SLC25A21: variants seen among roughly 807,000 people sequenced by gnomAD.
SLC25A21 encodes the protein solute carrier family 25 member 21, also known as mitochondrial 2-oxodicarboxylate carrier.
In SLC25A21, 47 loss-of-function variants were observed where a neutral mutation model predicts 43.8. The observed-to-expected ratio is 1.07, with a 90% CI of 0.85 to 1.37. The LOEUF is 1.37. Ranked by LOEUF, SLC25A21 falls within the 40% of genes most tolerant of loss-of-function variation. SLC25A21 has a pLI of 0.00. For synonymous variants in SLC25A21, 131 were observed against 121.3 expected, an observed-to-expected ratio of 1.08 and a Z score of -0.52; for missense variants, 352 against 350.2, an observed-to-expected ratio of 1.00 and a Z score of -0.04.
intron 1 of SLC25A21, among the ~76,000 whole-genome samples, chr14:36,973,019 ATTTATTTTATTTTATTTTAT>A (rs36001814): frequency 3.9e-5 from 5 of 128,988 alleles, no homozygotes; most frequent in East Asian, 5.4e-4. Context: ...TTATTTATTT[ATTTATTTTATTTTATTTTAT>A]TTTATTTTAT....
intron 3 of SLC25A21, among the ~76,000 whole-genome samples, chr14:36,807,384 C>G (rs142201758): frequency 6.6e-6 from 1 of 152,120 alleles, no homozygotes; most frequent in Non-Finnish European, 1.5e-5. Context: ...AAAGCAGCAG[C>G]AACTACTGGG....
intron 3 of SLC25A21, among the ~76,000 whole-genome samples, chr14:36,762,470 C>G (rs146109737): frequency 6.6e-6 from 1 of 152,028 alleles, no homozygotes; most frequent in Non-Finnish European, 1.5e-5. Context: ...GAGATCTGCC[C>G]GAAGTCACAC....
intron 1 of SLC25A21, among the ~76,000 whole-genome samples, chr14:37,135,909 C>T (rs1963472474): frequency 6.6e-6 from 1 of 152,132 alleles, no homozygotes; most frequent in Non-Finnish European, 1.5e-5. Flanking sequence ...GTACTTTGCA[C>T]ATAGTAAGTG....
intron 1 of SLC25A21, among the ~76,000 whole-genome samples, chr14:37,012,496 C>T (rs938631890): frequency 6.6e-6 from 1 of 152,048 alleles, no homozygotes; most frequent in Admixed American, 6.6e-5. Flanking sequence ...AATAGTATAA[C>T]CTGTAAATGC....
chr14:36,898,925 A>G (rs1166316656), intron 1 of SLC25A21, among the ~76,000 whole-genome samples: 1 of 152,222 alleles, frequency 6.6e-6, no homozygotes, highest in Non-Finnish European at 1.5e-5. Flanking sequence ...AAGAGAGTGG[A>G]TGTAAAGTGT....
At chr14:36,864,577 T>C (rs1890159131) in intron 2 of SLC25A21, among the ~76,000 whole-genome samples, 1 of 152,202 alleles carries the variant, frequency 6.6e-6, no homozygotes, top group Admixed American at 6.5e-5. Context: ...CCTATTATGG[T>C]CATGCACCTT....
chr14:37,008,758 G>A (rs550864493), intron 1 of SLC25A21, among the ~76,000 whole-genome samples: 2 of 150,682 alleles, frequency 1.3e-5, no homozygotes, highest in Non-Finnish European at 3.0e-5. Context: ...CTTTTTAATA[G>A]ATTTTTTTTC....
intron 1 of SLC25A21, among the ~76,000 whole-genome samples, chr14:37,019,295 A>C (rs1441013471): frequency 6.6e-6 from 1 of 151,770 alleles, no homozygotes; most frequent in African/African-American, 2.4e-5. Flanking sequence ...TCTCTGCTTG[A>C]AATACTTTGC....
At chr14:37,057,318 T>C (rs1337813349) in intron 1 of SLC25A21, among the ~76,000 whole-genome samples, 1 of 152,244 alleles carries the variant, frequency 6.6e-6, no homozygotes, top group Non-Finnish European at 1.5e-5. Flanking sequence ...AGGTGGGTCC[T>C]GAGTGCCTTG....
intron 1 of SLC25A21, among the ~76,000 whole-genome samples, chr14:37,171,431 C>CTATAA (rs10665173): frequency 1 from 151,770 of 152,166 alleles, 75,690 homozygotes; most frequent in Middle Eastern, 1. Flanking sequence ...ATTAGAGTTA[C>CTATAA]TATAATTTAT....
intron 1 of SLC25A21, among the ~76,000 whole-genome samples, chr14:36,916,476 T>C (rs1162998597): frequency 2.6e-5 from 4 of 152,186 alleles, no homozygotes; most frequent in Non-Finnish European, 5.9e-5. Context: ...TCCAACATAG[T>C]TTTGACTGAG....
intron 2 of SLC25A21, among the ~76,000 whole-genome samples, chr14:36,825,756 A>C (rs956189140): frequency 1.3e-5 from 2 of 152,240 alleles, no homozygotes; most frequent in African/African-American, 2.4e-5. Context: ...TTCCTAAAAT[A>C]CTAAAAATTA....
intron 3 of SLC25A21, among the ~76,000 whole-genome samples, chr14:36,754,392 T>C (rs1406499494): frequency 2.6e-5 from 4 of 152,070 alleles, no homozygotes; most frequent in African/African-American, 4.8e-5. Context: ...TAAGGCTATA[T>C]ATGATAGAAA....
intron 2 of SLC25A21, among the ~76,000 whole-genome samples, chr14:36,864,817 A>T (rs1391763075): frequency 6.6e-6 from 1 of 152,202 alleles, no homozygotes; most frequent in Non-Finnish European, 1.5e-5. Flanking sequence ...CCATGGTGAG[A>T]AATCAGGCAT....
intron 1 of SLC25A21, among the ~76,000 whole-genome samples, chr14:36,945,372 C>CA (rs1270758039): frequency 6.6e-6 from 1 of 152,134 alleles, no homozygotes; most frequent in Non-Finnish European, 1.5e-5. Flanking sequence ...GCATATACCC[C>CA]AAAGAACTGA....
intron 1 of SLC25A21, among the ~76,000 whole-genome samples, chr14:36,992,176 C>A (rs965446998): frequency 1.3e-5 from 2 of 152,116 alleles, no homozygotes; most frequent in African/African-American, 2.4e-5. Flanking sequence ...TGGGTGGACC[C>A]GTGCACCCTC....
chr14:36,977,264 T>C (rs1348597424), intron 1 of SLC25A21, among the ~76,000 whole-genome samples: 2 of 152,196 alleles, frequency 1.3e-5, no homozygotes, highest in African/African-American at 4.8e-5. Flanking sequence ...TGGCTCCTTT[T>C]TCTATGAACA....
At position 37,057,673 on chromosome 14, in the gene SLC25A21, T is replaced by C. The variant is rs191984450; in HGVS notation, c.70+114608A>G. Among the ~76,000 whole-genome samples the C allele has an allele frequency of 5.7e-4, 87 of 152,348 alleles. 1 individual carries two copies. The highest frequency in any genetic ancestry group is 2.1e-3 in the African/African-American group (87 of 41,584). On this transcript the variant is annotated intron_variant, in intron 1 of 9. Coordinates refer to ENST00000331299, the MANE Select transcript of SLC25A21 (RefSeq NM_030631.4). ...TCTCCTTTATTGATGAATTACAATG[T>C]TGTCACTTTTTATTTTGCTATGTTA...
chr14:36,733,451 C>G (rs890463022), intron 4 of SLC25A21, among the ~76,000 whole-genome samples: 1 of 152,106 alleles, frequency 6.6e-6, no homozygotes, highest in South Asian at 2.1e-4. Context: ...TGTTCTAAAG[C>G]TTTGTTTTCC....
Sources: gnomAD v4.1 joint callset for allele counts (sites outside exome capture counted in the v4.1 genomes callset) on GRCh38, gnomAD v4.1.1 for gene constraint, MANE v1.5 for transcripts, NCBI Gene and HGNC (gene_info 2026-07-23, HGNC 2026-07-21) for gene names.